JAKMIP3: variants seen among roughly 807,000 people sequenced by gnomAD.
The protein encoded by JAKMIP3 is Janus kinase and microtubule interacting protein 3, also known as janus kinase and microtubule-interacting protein 3.
A neutral mutation model predicts 118.5 loss-of-function variants in JAKMIP3; 58 were observed. The observed-to-expected ratio is 0.49, with a 90% CI of 0.40 to 0.61. The LOEUF is 0.61. JAKMIP3 is among the 20% of genes least tolerant of loss of function. The pLI is 0.00. For synonymous variants in JAKMIP3, 486 were observed against 451.2 expected (o/e 1.08, Z -0.98); for missense variants, 950 against 1,109.0 (o/e 0.86, Z 2.04).
intron 3 of JAKMIP3, among the ~76,000 whole-genome samples, chr10:132,132,690 C>T (rs2050865846): frequency 6.6e-6 from 1 of 152,238 alleles, no homozygotes; most frequent in African/African-American, 2.4e-5. Flanking sequence ...CTGAAGACAG[C>T]TGTGCGGGGC....
chr10:132,180,714 T>TGTGCGCGCGTGTGTGTGCGCGC (rs1347001720), intron 23 of JAKMIP3, among the ~76,000 whole-genome samples: 6 of 26,610 alleles, frequency 2.3e-4, no homozygotes, highest in African/African-American at 1.3e-3. Context: ...TGTGCGCGTG[T>TGTGCGCGCGTGTGTGTGCGCGC]GTGTGCGTGT....
Position 132,133,369 on chromosome 10 carries a change from G to T in JAKMIP3, c.691G>T (p.Val231Phe). 6.2e-7 allele frequency: 1 copy of T among 1,602,858 alleles called. No individual in the cohort carries two copies. ...CTTCGTGCTGGAGAGAGAGTTAGGGGTTCAAGCCGGGCATGCTCAGAGACT... is the reference window on the plus strand; with the variant it reads ...CTTCGTGCTGGAGAGAGAGTTAGGGTTTCAAGCCGGGCATGCTCAGAGACT... ...AVFVLERELG[V>F]QAGHAQRLQL... Residue 231 changes from valine (V) to phenylalanine (F), a missense_variant, in exon 4 of 24, where the codon GTT (valine) becomes TTT (phenylalanine). Physicochemically the swap from Val to Phe is conservative, Grantham distance 50. Transcript: ENST00000684848.
intron 1 of JAKMIP3, among the ~76,000 whole-genome samples, chr10:132,045,502 C>G (rs945831256): frequency 1.3e-5 from 2 of 152,128 alleles, no homozygotes; most frequent in Non-Finnish European, 2.9e-5. Flanking sequence ...TGTGCTGAGG[C>G]CCTTGTGTCT....
At chr10:132,145,843 A>T (rs1432377664) in intron 13 of JAKMIP3, among the ~76,000 whole-genome samples, 1 of 152,090 alleles carries the variant, frequency 6.6e-6, no homozygotes. Context: ...CAGCATCTCC[A>T]TTCGTGTCCC....
intron 3 of JAKMIP3, among the ~76,000 whole-genome samples, chr10:132,122,451 G>A (rs1207990330): frequency 6.6e-6 from 1 of 152,132 alleles, no homozygotes; most frequent in Non-Finnish European, 1.5e-5. Context: ...GGGCACCTCA[G>A]TTAGCCCTGG....
In JAKMIP3 at chr10:132,133,369, G is replaced by A. The variant is rs1478017750; in HGVS notation, c.691G>A (p.Val231Ile). The change falls in exon 4 of 24, where the codon GTT becomes ATT. Residue 231 changes from valine to isoleucine, a missense_variant. Val to Ile is a conservative substitution (Grantham distance 29). Coordinates refer to ENST00000684848, the MANE Select transcript of JAKMIP3 (RefSeq NM_001323087.2). Reference protein sequence around the residue: ...AVFVLERELGVQAGHAQRLQL... With the variant: ...AVFVLERELGIQAGHAQRLQL... ...CTTCGTGCTGGAGAGAGAGTTAGGG[G>A]TTCAAGCCGGGCATGCTCAGAGACT... 1 of 1,602,858 alleles carries A rather than the reference G, an allele frequency of 6.2e-7. No individual in the cohort carries two copies. The highest frequency in any genetic ancestry group is 8.5e-7 in the Non-Finnish European group (1 of 1,174,746).
chr10:132,138,868 A>C (rs989423717), intron 9 of JAKMIP3, among the ~76,000 whole-genome samples: 1 of 152,206 alleles, frequency 6.6e-6, no homozygotes, highest in Non-Finnish European at 1.5e-5. Flanking sequence ...CCTCGGCCAC[A>C]CTTGCAGGCT....
intron 1 of JAKMIP3, among the ~76,000 whole-genome samples, chr10:132,075,657 G>A (rs2040677157): frequency 6.6e-6 from 1 of 152,040 alleles, no homozygotes; most frequent in African/African-American, 2.4e-5. Flanking sequence ...TGATCTGCCC[G>A]CCTTGGCCTC....
At chr10:132,165,053 G>A (rs962160713) in intron 21 of JAKMIP3, among the ~76,000 whole-genome samples, 3 of 152,260 alleles carry the variant, frequency 2.0e-5, no homozygotes, top group South Asian at 2.1e-4. Flanking sequence ...TGGAGCCAAC[G>A]GCCTCGGGTT....
chr10:132,068,694 G>A (rs1589739949), intron 1 of JAKMIP3, among the ~76,000 whole-genome samples: 2 of 152,166 alleles, frequency 1.3e-5, no homozygotes, highest in East Asian at 1.9e-4. Flanking sequence ...TATCAAACCT[G>A]TGCTGCAGGC....
intron 1 of JAKMIP3, among the ~76,000 whole-genome samples, chr10:132,092,977 T>C (rs2043289796): frequency 6.6e-6 from 1 of 152,246 alleles, no homozygotes. Flanking sequence ...TTGTTAGTTT[T>C]CCTTCTAACA....
intron 3 of JAKMIP3, among the ~76,000 whole-genome samples, chr10:132,131,881 G>A (rs2050701719): frequency 2.0e-5 from 3 of 152,288 alleles, no homozygotes; most frequent in South Asian, 4.1e-4. Flanking sequence ...GCAGGGTGGG[G>A]TGCGGCGCCT....
chr10:132,071,618 A>G (rs981347147), intron 1 of JAKMIP3, among the ~76,000 whole-genome samples: 22 of 152,050 alleles, frequency 1.4e-4, no homozygotes, highest in Admixed American at 6.5e-5. Flanking sequence ...TTTTTGTTGT[A>G]TGTATTTGGG....
At chr10:132,106,614 G>A (rs1198988068) in intron 2 of JAKMIP3, among the ~76,000 whole-genome samples, 2 of 152,196 alleles carry the variant, frequency 1.3e-5, no homozygotes, top group African/African-American at 4.8e-5. Context: ...ATCAGTAAAT[G>A]TGCGTCTAGC....
At chr10:132,087,911 T>G (rs1173240702) in intron 1 of JAKMIP3, among the ~76,000 whole-genome samples, 1 of 152,038 alleles carries the variant, frequency 6.6e-6, no homozygotes, top group African/African-American at 2.4e-5. Context: ...CCTGTGTCCA[T>G]GTGTTCTCAT....
rs2037924880 is a variant in JAKMIP3, at chr10:132,046,560, C to G, written c.-138+9822C>G. 1.3e-5 allele frequency among the ~76,000 whole-genome samples: 2 copies of G among 152,272 alleles called. 1 individual carries two copies. Among genetic ancestry groups the G allele is most frequent in the Admixed American group, 1.3e-4 (2 of 15,292 alleles). ...CCATTTCTGTGTGTGTCCAGCTCGC[C>G]CAACCTCACCGCCTCGTGCTGTTCA... is the stretch of plus-strand genomic sequence containing the variant. On this transcript the variant is annotated intron_variant, in intron 1 of 23. Coordinates refer to the JAKMIP3 transcript ENST00000657785.
chr10:132,107,955 GC>G (rs1354283939), intron 2 of JAKMIP3, among the ~76,000 whole-genome samples: 1 of 152,200 alleles, frequency 6.6e-6, no homozygotes, highest in Non-Finnish European at 1.5e-5. Flanking sequence ...AACAGAGAGG[GC>G]CCTTCAGGGA....
chr10:132,140,470 T>C lies in JAKMIP3; in HGVS notation c.1364T>C (p.Phe455Ser), dbSNP rs1042712829. 1 of 1,613,830 alleles carries C rather than the reference T, an allele frequency of 6.2e-7. No homozygotes were observed. The highest frequency in any genetic ancestry group is 1.3e-5 in the African/African-American group (1 of 75,056). ...KLPKPVVVET[F>S]FGYDEEASLE... ...CACAAGCCGGTGGTTGTGGAGACCT[T>C]CTTTGGATACGACGAAGAGGCTTCC... is the stretch of plus-strand genomic sequence containing the variant. Residue 455 changes from phenylalanine (F) to serine (S), a missense_variant, in exon 10 of 24, where the codon TTC (phenylalanine) becomes TCC (serine). Phe to Ser is a radical substitution (Grantham distance 155, BLOSUM62 -2). Transcript: ENST00000684848.
At chr10:132,079,022 A>T (rs2134157427) in intron 1 of JAKMIP3, among the ~76,000 whole-genome samples, 1 of 152,020 alleles carries the variant, frequency 6.6e-6, no homozygotes, top group African/African-American at 2.4e-5. Flanking sequence ...GAGTGACCCA[A>T]ATGCCCACTC....
Sources: allele counts gnomAD v4.1 joint callset (sites outside exome capture counted in the v4.1 genomes callset), GRCh38; gene constraint gnomAD v4.1.1; transcripts MANE v1.5; gene names NCBI Gene and HGNC (gene_info 2026-07-23, HGNC 2026-07-21).